ME1: variants seen among roughly 807,000 people sequenced by gnomAD.
ME1 encodes the protein NADP-dependent malic enzyme.
In ME1, 74 loss-of-function variants were observed where a neutral mutation model predicts 66.4. The ratio of observed to expected loss-of-function variants is 1.11; its 90% CI spans 0.92 to 1.35. The LOEUF (loss-of-function observed/expected upper bound fraction) is 1.35. Among genes scored for constraint, ME1 ranks in the 40% most tolerant of loss-of-function variants. The pLI is 0.00. For missense variants in ME1, 750 were observed against 694.1 expected (o/e 1.08, Z -0.90); for synonymous variants, 251 against 235.6 (o/e 1.07, Z -0.60).
chr6:83,262,634 C>T (rs186643692), intron 6 of ME1, among the ~76,000 whole-genome samples: 2 of 152,246 alleles, frequency 1.3e-5, no homozygotes, highest in African/African-American at 4.8e-5. Flanking sequence ...TATTATTTTA[C>T]TGAAGAATAT....
At chr6:83,408,958 TG>T (rs557872190) in intron 1 of ME1, among the ~76,000 whole-genome samples, 7 of 152,232 alleles carry the variant, frequency 4.6e-5, no homozygotes, top group African/African-American at 1.7e-4. Context: ...CCCAAGGCGA[TG>T]GCATAGGAAG....
intron 7 of ME1, among the ~76,000 whole-genome samples, chr6:83,248,372 C>T (rs1426958921): frequency 1.3e-5 from 2 of 152,154 alleles, no homozygotes; most frequent in African/African-American, 4.8e-5. Context: ...TTAGAGAACA[C>T]TGCAAAATGA....
intron 3 of ME1, chr6:83,393,002 T>C: frequency 1.0e-6 from 1 of 999,416 alleles, no homozygotes; most frequent in Admixed American, 1.8e-5. Context: ...GTGACGGCCA[T>C]GGGGCTCTCC....
rs4706986 is a variant in ME1, at chr6:83,360,100, T to G, written c.363-7961A>C. ...ATGGACAAAAGGCTAATTTGAATTATAAAAACAGAGAATCATGACCCCTCA... is the reference window on the plus strand; with the variant it reads ...ATGGACAAAAGGCTAATTTGAATTAGAAAAACAGAGAATCATGACCCCTCA... On this transcript the variant is annotated intron_variant, in intron 3 of 13. Transcript: ENST00000369705. Among the ~76,000 whole-genome samples, 1,144 of 152,276 alleles carry G rather than the reference T, an allele frequency of 7.5e-3. 32 individuals are homozygous for G. Among genetic ancestry groups the G allele is most frequent in the East Asian group, 0.06 (312 of 5,176 alleles).
At chr6:83,350,500 C>G (rs938865144) in intron 4 of ME1, among the ~76,000 whole-genome samples, 1 of 152,148 alleles carries the variant, frequency 6.6e-6, no homozygotes, top group Non-Finnish European at 1.5e-5. Flanking sequence ...GGGTCTCACT[C>G]TGTTGCCCAG....
chr6:83,279,676 C>G (rs1343011377), intron 6 of ME1, among the ~76,000 whole-genome samples: 1 of 151,964 alleles, frequency 6.6e-6, no homozygotes, highest in East Asian at 1.9e-4. Flanking sequence ...AAAATAATCA[C>G]AATGAGAATA....
chr6:83,427,251 T>C (rs1770390464), intron 1 of ME1, among the ~76,000 whole-genome samples: 1 of 152,208 alleles, frequency 6.6e-6, no homozygotes, highest in Admixed American at 6.5e-5. Context: ...ATGCATATTT[T>C]AATACAAACA....
At chr6:83,376,804 CAA>C (rs70987750) in intron 3 of ME1, among the ~76,000 whole-genome samples, 11 of 87,088 alleles carry the variant, frequency 1.3e-4, no homozygotes, top group Non-Finnish European at 7.3e-5. Flanking sequence ...CCCTGTCTCA[CAA>C]AAAAAAAAAA....
At chr6:83,388,403 A>C (rs779803495) in intron 3 of ME1, among the ~76,000 whole-genome samples, 6 of 152,136 alleles carry the variant, frequency 3.9e-5, no homozygotes, top group African/African-American at 1.4e-4. Flanking sequence ...TGAACTTTCT[A>C]TCTCTCTCAA....
chr6:83,412,197 C>T (rs1562007169), intron 1 of ME1, among the ~76,000 whole-genome samples: 1 of 151,946 alleles, frequency 6.6e-6, no homozygotes, highest in African/African-American at 2.4e-5. Flanking sequence ...CAATGAATGA[C>T]TTTTTTTCCC....
chr6:83,236,329 C>T (rs1790403049), intron 9 of ME1, among the ~76,000 whole-genome samples: 1 of 152,102 alleles, frequency 6.6e-6, no homozygotes, highest in Non-Finnish European at 1.5e-5. Context: ...GAGATAGATT[C>T]TTTGAATGGA....
At chr6:83,281,145 T>C (rs535291623) in intron 6 of ME1, among the ~76,000 whole-genome samples, 1 of 152,306 alleles carries the variant, frequency 6.6e-6, no homozygotes, top group East Asian at 1.9e-4. Context: ...AACCATTCCC[T>C]TGTGAAAAAA....
chr6:83,357,947 A>C (rs868128380), intron 3 of ME1, among the ~76,000 whole-genome samples: 1,336 of 80,344 alleles, frequency 0.017, 12 homozygotes, highest in Middle Eastern at 0.033. Context: ...ATATATATAT[A>C]TATATATATA....
intron 2 of ME1, among the ~76,000 whole-genome samples, chr6:83,402,789 T>A (rs1769861804): frequency 6.6e-6 from 1 of 152,068 alleles, no homozygotes; most frequent in African/African-American, 2.4e-5. Flanking sequence ...AGAACCACAA[T>A]CAGCTGAGAT....
intron 2 of ME1, among the ~76,000 whole-genome samples, chr6:83,407,384 C>G (rs931082109): frequency 5.3e-5 from 8 of 152,136 alleles, no homozygotes; most frequent in African/African-American, 1.9e-4. Flanking sequence ...AAGTAAGTGA[C>G]CTAAACTTGC....
chr6:83,310,936 C>T (rs757145902), intron 6 of ME1, among the ~76,000 whole-genome samples: 4 of 152,056 alleles, frequency 2.6e-5, no homozygotes, highest in Admixed American at 6.5e-5. Flanking sequence ...AAGTCAGAAT[C>T]CTAGTTACAA....
chr6:83,229,832 CT>C (rs920380304), intron 9 of ME1, among the ~76,000 whole-genome samples: 2 of 151,976 alleles, frequency 1.3e-5, no homozygotes, highest in African/African-American at 4.8e-5. Flanking sequence ...ATTTCTGTTG[CT>C]TTTGTTTGTT....
chr6:83,292,512 C>T (rs571868020), intron 6 of ME1, among the ~76,000 whole-genome samples: 1 of 152,190 alleles, frequency 6.6e-6, no homozygotes, highest in Non-Finnish European at 1.5e-5. Context: ...CAGAGAGGCA[C>T]CCGCCTGTAT....
intron 2 of ME1, among the ~76,000 whole-genome samples, chr6:83,406,128 C>T (rs1359114949): frequency 1.3e-5 from 2 of 152,122 alleles, no homozygotes; most frequent in Non-Finnish European, 2.9e-5. Context: ...TGATGGATTA[C>T]GTTTATTGAT....
Sources: allele counts gnomAD v4.1 joint callset (sites outside exome capture counted in the v4.1 genomes callset), GRCh38; gene constraint gnomAD v4.1.1; transcripts MANE v1.5; gene names NCBI Gene and HGNC (gene_info 2026-07-23, HGNC 2026-07-21).